The following SNTG1 variants were observed in gnomAD, a reference collection of about 807,000 sequenced individuals.
SNTG1 encodes the protein gamma-1-syntrophin.
Under a neutral mutation model 74.7 loss-of-function variants are expected in SNTG1, and 39 were observed. The observed-to-expected ratio is 0.52, with a 90% CI of 0.40 to 0.68. SNTG1 has a LOEUF of 0.68. SNTG1 is among the 30% of genes least tolerant of loss of function. SNTG1 has a pLI of 0.00. For missense variants in SNTG1, 685 were observed against 609.5 expected, an observed-to-expected ratio of 1.12 and a Z score of -1.30; for synonymous variants, 254 against 217.1, an observed-to-expected ratio of 1.17 and a Z score of -1.49.
chr8:50,678,131 G>A (rs76299670), intron 15 of SNTG1, among the ~76,000 whole-genome samples: 1 of 151,196 alleles, frequency 6.6e-6, no homozygotes. Context: ...GAAAAGAAAA[G>A]AATAATAATA....
chr8:50,729,652 T>C (rs963769153), intron 17 of SNTG1, among the ~76,000 whole-genome samples: 1 of 152,100 alleles, frequency 6.6e-6, no homozygotes, highest in Non-Finnish European at 1.5e-5. Context: ...TTGAATTTCA[T>C]AGAGTAGTAT....
intron 2 of SNTG1, among the ~76,000 whole-genome samples, chr8:50,390,271 G>A (rs550639805): frequency 2.6e-5 from 4 of 152,274 alleles, no homozygotes; most frequent in Admixed American, 2.6e-4. Flanking sequence ...TAAGGTATAA[G>A]GAAGGGATCC....
chr8:50,652,969 C>A (rs1441371555), intron 13 of SNTG1, among the ~76,000 whole-genome samples: 2 of 151,656 alleles, frequency 1.3e-5, no homozygotes, highest in Non-Finnish European at 2.9e-5. Context: ...TTTTCTAATA[C>A]CAGTATTGCT....
At chr8:50,743,297 A>G (rs538139874) in intron 17 of SNTG1, among the ~76,000 whole-genome samples, 1 of 151,970 alleles carries the variant, frequency 6.6e-6, no homozygotes, top group Non-Finnish European at 1.5e-5. Flanking sequence ...TAAAAGGATT[A>G]TACACCATGG....
intron 2 of SNTG1, among the ~76,000 whole-genome samples, chr8:50,197,791 C>G (rs554074249): frequency 5.9e-5 from 9 of 152,094 alleles, no homozygotes; most frequent in Non-Finnish European, 8.8e-5. Flanking sequence ...TATCATTTTT[C>G]CCTAGTAGTA....
intron 17 of SNTG1, among the ~76,000 whole-genome samples, chr8:50,717,127 A>C (rs2095477006): frequency 6.6e-6 from 1 of 152,222 alleles, no homozygotes; most frequent in Non-Finnish European, 1.5e-5. Context: ...AATATAGAAA[A>C]AACAAAATCA....
At chr8:50,734,966 C>T (rs78904401) in intron 17 of SNTG1, among the ~76,000 whole-genome samples, 6,404 of 63,546 alleles carry the variant, frequency 0.1, 531 homozygotes, top group African/African-American at 0.37. Context: ...TCTATATATC[C>T]ATATATATCT....
chr8:50,659,948 T>G (rs1332320350), intron 15 of SNTG1, among the ~76,000 whole-genome samples: 1 of 152,102 alleles, frequency 6.6e-6, no homozygotes, highest in Admixed American at 6.6e-5. Flanking sequence ...CAAGCAACTC[T>G]CCTGCCTCAG....
chr8:50,213,387 G>A (rs1286879259), intron 2 of SNTG1, among the ~76,000 whole-genome samples: 1 of 152,166 alleles, frequency 6.6e-6, no homozygotes, highest in African/African-American at 2.4e-5. Context: ...TAAAAAGTAT[G>A]TAGGCTATGT....
chr8:50,091,924 C>T (rs2079753700), intron 1 of SNTG1, among the ~76,000 whole-genome samples: 1 of 151,888 alleles, frequency 6.6e-6, no homozygotes, highest in Non-Finnish European at 1.5e-5. Context: ...AGGACTTCTG[C>T]TGAGTGAGAT....
chr8:50,433,485 T>C (rs2093265497), intron 4 of SNTG1, among the ~76,000 whole-genome samples: 1 of 151,584 alleles, frequency 6.6e-6, no homozygotes, highest in Admixed American at 6.6e-5. Flanking sequence ...TTCTGTTTTT[T>C]TTTTTTTTCA....
At chr8:50,475,892 CTTACCCA>C (rs1391157211) in intron 8 of SNTG1, among the ~76,000 whole-genome samples, 1 of 152,148 alleles carries the variant, frequency 6.6e-6, no homozygotes, top group East Asian at 1.9e-4. Context: ...CAGTCCCCTC[CTTACCCA>C]TGGTCAACGA....
chr8:50,666,357 C>T (rs999449852), intron 15 of SNTG1, among the ~76,000 whole-genome samples: 5 of 152,072 alleles, frequency 3.3e-5, no homozygotes, highest in Admixed American at 3.3e-4. Context: ...ACTGGTGAGT[C>T]ATGAATGAAG....
At chr8:50,178,021 C>T (rs74370929) in intron 2 of SNTG1, among the ~76,000 whole-genome samples, 2,572 of 152,240 alleles carry the variant, frequency 0.017, 67 homozygotes, top group African/African-American at 0.053. Flanking sequence ...ATTTTAGATT[C>T]ATCTATGTCT....
chr8:50,624,594 A>G (rs149650030), intron 13 of SNTG1, among the ~76,000 whole-genome samples: 2 of 152,276 alleles, frequency 1.3e-5, no homozygotes, highest in African/African-American at 4.8e-5. Context: ...GTTTTGATTT[A>G]AAGTAGTCTG....
rs138617359 is a variant in SNTG1 at position 50,787,479 on chromosome 8, G to T, written c.1396-5192G>T. 3.4e-3 allele frequency among the ~76,000 whole-genome samples: 522 copies of T among 151,934 alleles called. 2 individuals are homozygous for T. The highest frequency in any genetic ancestry group is 0.012 in the African/African-American group (503 of 41,502). ...CAAGCTGAAGTTGTCATATGACCCA[G>T]CAATTCCACTTCTAGATATATTCAA... On this transcript the variant is annotated intron_variant, in intron 18 of 18. Coordinates refer to ENST00000642720, the MANE Select transcript of SNTG1 (RefSeq NM_018967.5).
At chr8:50,693,230 G>A (rs112916550) in intron 15 of SNTG1, among the ~76,000 whole-genome samples, 20 of 152,172 alleles carry the variant, frequency 1.3e-4, no homozygotes, top group African/African-American at 2.4e-4. Flanking sequence ...GCCCTGCTTC[G>A]GCTTGTGCAC....
At chr8:50,759,285 T>C (rs1447466678) in intron 18 of SNTG1, among the ~76,000 whole-genome samples, 1 of 152,132 alleles carries the variant, frequency 6.6e-6, no homozygotes, top group East Asian at 1.9e-4. Flanking sequence ...TGATAGTCTC[T>C]TTTGCTGTGC....
intron 12 of SNTG1, among the ~76,000 whole-genome samples, chr8:50,564,153 C>T (rs117453612): frequency 0.013 from 2,038 of 151,838 alleles, 19 homozygotes; most frequent in Non-Finnish European, 0.019. Context: ...TCACTGACTC[C>T]TTTCTGTTTC....
Sources: gnomAD v4.1 joint callset for allele counts (sites outside exome capture counted in the v4.1 genomes callset) on GRCh38, gnomAD v4.1.1 for gene constraint, MANE v1.5 for transcripts, NCBI Gene and HGNC (gene_info 2026-07-23, HGNC 2026-07-21) for gene names.